The following SVBP variants were observed in gnomAD, a reference collection of about 807,000 sequenced individuals.
SVBP encodes the protein small vasohibin binding protein, also known as small vasohibin-binding protein.
In SVBP, 9 loss-of-function variants were observed where a neutral mutation model predicts 9.2. The ratio of observed to expected loss-of-function variants is 0.98; its 90% CI spans 0.59 to 1.71. The LOEUF is 1.71. Ranked by LOEUF, SVBP falls within the 40% of genes most tolerant of loss-of-function variation. SVBP has a pLI of 0.00. For missense variants in SVBP, 63 were observed against 73.2 expected (o/e 0.86, Z 0.51); for synonymous variants, 27 against 23.9 (o/e 1.13, Z -0.37).
rs1339976899 is a variant in SVBP at position 42,807,065 on chromosome 1, T to C, written c.*349A>G. On this transcript the variant is annotated 3_prime_UTR_variant, in exon 3 of 3. Transcript: ENST00000372521. ...TATGAGCAAATGAACATTTTATTAG[T>C]ATTTTATTTGTATTTTTGGAGAAGA... is the stretch of plus-strand genomic sequence containing the variant. 5.9e-6 allele frequency: 1 copy of C among 169,458 alleles called. No homozygotes were observed. The highest frequency in any genetic ancestry group is 2.4e-5 in the African/African-American group (1 of 42,048). 10.5% of individuals were successfully genotyped at this position (169,458 alleles called of 1,614,324 possible).
chr1:42,810,916 G>C (rs973820165), intron 2 of SVBP, among the ~76,000 whole-genome samples: 1 of 152,160 alleles, frequency 6.6e-6, no homozygotes, highest in African/African-American at 2.4e-5. Flanking sequence ...GAGGTGTGCG[G>C]ATCACTTGAG....
At chr1:42,809,801 G>T (rs941416388) in intron 2 of SVBP, among the ~76,000 whole-genome samples, 2 of 151,990 alleles carry the variant, frequency 1.3e-5, no homozygotes, top group Admixed American at 1.3e-4. Flanking sequence ...AACTTGAATG[G>T]TTAAAAAAAG....
intron 2 of SVBP, among the ~76,000 whole-genome samples, chr1:42,810,771 C>A (rs1280912127): frequency 6.6e-6 from 1 of 152,274 alleles, no homozygotes; most frequent in East Asian, 1.9e-4. Flanking sequence ...AATCTGGCGT[C>A]TGCAGAATTG....
rs1249087312 is a variant in SVBP, at chr1:42,817,287, G to C, written c.-134C>G. On this transcript the variant is annotated 5_prime_UTR_variant, in exon 1 of 3. Transcript: ENST00000372521. The stretch of plus-strand genomic sequence containing the variant: ...CGCCTTCCCCCGACCACTGGACCCA[G>C]CGCTGCCTGCCCACCGCCCCTCGTC... 8 of 1,216,168 alleles carry C rather than the reference G, an allele frequency of 6.6e-6. No individual in the cohort carries two copies. Among genetic ancestry groups the C allele is most frequent in the Non-Finnish European group, 5.3e-6 (5 of 946,724 alleles). 75.3% of individuals were successfully genotyped at this position (1,216,168 alleles called of 1,614,324 possible). A position where few individuals can be genotyped will look rare whatever the true frequency, so the allele number is the denominator to read the frequency against.
intron 2 of SVBP, among the ~76,000 whole-genome samples, chr1:42,808,122 C>T (rs1325161879): frequency 1.8e-5 from 2 of 112,676 alleles, no homozygotes; most frequent in South Asian, 3.3e-4. Flanking sequence ...TGCAGGGGAG[C>T]AATGTGAATA....
chr1:42,811,582 T>G (rs979235047), intron 2 of SVBP, among the ~76,000 whole-genome samples: 2 of 152,196 alleles, frequency 1.3e-5, no homozygotes, highest in African/African-American at 2.4e-5. Flanking sequence ...AACACAAGAT[T>G]ATTCCTGATC....
chr1:42,808,234 G>A (rs1466120537), intron 2 of SVBP, among the ~76,000 whole-genome samples: 1 of 139,406 alleles, frequency 7.2e-6, no homozygotes, highest in Non-Finnish European at 1.5e-5. Context: ...GTGCATATAT[G>A]TTATAATATA....
chr1:42,811,652 C>A (rs1044591573), intron 2 of SVBP, among the ~76,000 whole-genome samples: 1 of 152,158 alleles, frequency 6.6e-6, no homozygotes, highest in Non-Finnish European at 1.5e-5. Flanking sequence ...GGGCTTTACA[C>A]GTGGTATTTC....
At chr1:42,816,072 T>A (rs1420861751) in intron 2 of SVBP, 4 of 183,120 alleles carry the variant, frequency 2.2e-5, no homozygotes, top group Non-Finnish European at 3.4e-5. Context: ...CATGAGTAGC[T>A]GCTTTCCGCA....
At chr1:42,817,082 CGGCCCG>C in intron 1 of SVBP, 102 bp downstream of exon 1, 1 of 706,770 alleles carries the variant, frequency 1.4e-6, no homozygotes, top group Non-Finnish European at 1.8e-6. Flanking sequence ...GACCCCGCCC[CGGCCCG>C]CCCGGCCCCA....
intron 2 of SVBP, among the ~76,000 whole-genome samples, chr1:42,814,648 C>A (rs1654160916): frequency 3.3e-5 from 5 of 151,954 alleles, no homozygotes; most frequent in Admixed American, 3.3e-4. Flanking sequence ...CAGAGAAATG[C>A]AAATCAAAAC....
Position 42,816,412 on chromosome 1 carries a change from G to C in SVBP, c.114+19C>G. 5 of 1,539,214 alleles carry C rather than the reference G, an allele frequency of 3.2e-6. No individual in the cohort carries two copies. Among genetic ancestry groups the C allele is most frequent in the Non-Finnish European group, 4.5e-6 (5 of 1,112,314 alleles). On this transcript the variant is annotated intron_variant, in intron 2 of 2. Transcript: ENST00000372521. ...CTCCAGCAGACTACAGGCATACAGA[G>C]CCTCCGCCTTAATCTCACCTCTGCT...
intron 2 of SVBP, chr1:42,813,616 G>C (rs1187110853): frequency 1.9e-6 from 1 of 529,738 alleles, no homozygotes; most frequent in African/African-American, 1.9e-5. Flanking sequence ...CTTTTGATTG[G>C]TGTGAGGTAA....
intron 2 of SVBP, among the ~76,000 whole-genome samples, chr1:42,810,113 C>CAT (rs1334656248): frequency 0.012 from 1,603 of 135,662 alleles, 21 homozygotes; most frequent in African/African-American, 0.044. Context: ...CACACACACA[C>CAT]ACATACATAC....
At chr1:42,813,856 T>C in intron 2 of SVBP, 1 of 318,618 alleles carries the variant, frequency 3.1e-6, no homozygotes, top group Non-Finnish European at 6.3e-6. Flanking sequence ...AGGACCCGGA[T>C]CCAGGTGGGA....
intron 2 of SVBP, chr1:42,816,191 T>C: frequency 2.2e-6 from 1 of 460,320 alleles, no homozygotes; most frequent in Admixed American, 4.1e-5. Flanking sequence ...TTCCTTCCCT[T>C]GGGTCTCTTA....
At chr1:42,812,483 G>A (rs1158140698) in intron 2 of SVBP, among the ~76,000 whole-genome samples, 2 of 152,166 alleles carry the variant, frequency 1.3e-5, no homozygotes, top group Non-Finnish European at 2.9e-5. Flanking sequence ...TTGTGATCAA[G>A]TAGGACAGAG....
At chr1:42,812,710 A>C (rs1654107048) in intron 2 of SVBP, among the ~76,000 whole-genome samples, 1 of 152,258 alleles carries the variant, frequency 6.6e-6, no homozygotes. Flanking sequence ...CTCTGAAAAA[A>C]TAATGTTTTT....
In SVBP at chr1:42,808,147, G is replaced by GTA. The variant is rs1475249020; in HGVS notation, c.115-648_115-647insTA. Among the ~76,000 whole-genome samples the GTA allele has an allele frequency of 1.0e-3, 56 of 53,900 alleles. 1 individual carries two copies. The highest frequency in any genetic ancestry group is 3.8e-3 in the African/African-American group (47 of 12,412). The allele number at this position is 53,900 out of a possible 152,430, so 35.4% of individuals were successfully genotyped here. A position where few individuals can be genotyped will look rare whatever the true frequency, so the allele number is the denominator to read the frequency against. On this transcript the variant is annotated intron_variant, in intron 2 of 2. Transcript: ENST00000372521. ...CAATGTGAATATAGTGTGTGTGTGTGTGTATATATATATATATATATATAT... is the reference window on the plus strand; with the variant it reads ...CAATGTGAATATAGTGTGTGTGTGTGTATGTATATATATATATATATATATAT...
Sources: allele counts gnomAD v4.1 joint callset (sites outside exome capture counted in the v4.1 genomes callset), GRCh38; gene constraint gnomAD v4.1.1; transcripts MANE v1.5; gene names NCBI Gene and HGNC (gene_info 2026-07-23, HGNC 2026-07-21).